The following C16orf74 variants were observed in gnomAD, a reference collection of about 807,000 sequenced individuals.
C16orf74 encodes calcimembrin, also known as uncharacterized protein C16orf74.
A neutral mutation model predicts 6.5 loss-of-function variants in C16orf74; 10 were observed. That is an observed-to-expected ratio of 1.54 (90% CI 0.95 to 2.61). The LOEUF is 2.61. C16orf74 is among the 30% of genes most tolerant of loss of function. The probability of loss-of-function intolerance (pLI) is 0.00; values close to 1 mark genes in which losing one functional copy is unlikely to be tolerated. For missense variants in C16orf74, 141 were observed against 105.9 expected (o/e 1.33, Z -1.45); for synonymous variants, 60 against 42.5 (o/e 1.41, Z -1.60).
At chr16:85,714,619 C>T (rs1319850708) in intron 2 of C16orf74, among the ~76,000 whole-genome samples, 4 of 151,190 alleles carry the variant, frequency 2.6e-5, no homozygotes, top group African/African-American at 9.7e-5. Context: ...GGCGTTTCAC[C>T]ATATTGGCCA....
chr16:85,734,022 C>T (rs1410248719), intron 2 of C16orf74, among the ~76,000 whole-genome samples: 2 of 152,168 alleles, frequency 1.3e-5, no homozygotes, highest in Non-Finnish European at 2.9e-5. Context: ...CCATTCATCC[C>T]GGCTCCCAGC....
intron 1 of C16orf74, among the ~76,000 whole-genome samples, chr16:85,746,301 G>A (rs992778046): frequency 1.3e-5 from 2 of 152,208 alleles, no homozygotes; most frequent in African/African-American, 4.8e-5. Context: ...AGCTAGTGGA[G>A]ATCGCGCCAC....
chr16:85,748,142 GTGTGTATATATATATATGTGTA>G (rs1567815504), intron 1 of C16orf74, among the ~76,000 whole-genome samples: 9 of 71,814 alleles, frequency 1.3e-4, no homozygotes, highest in African/African-American at 2.7e-4. Flanking sequence ...ATATATATGT[GTGTGTATATATATATATGTGTA>G]TATATATATA....
At chr16:85,712,178 G>A (rs1466634601) in intron 2 of C16orf74, among the ~76,000 whole-genome samples, 2 of 152,250 alleles carry the variant, frequency 1.3e-5, no homozygotes, top group African/African-American at 4.8e-5. Flanking sequence ...CTCCTCAGCA[G>A]TGGAGCCTCC....
intron 1 of C16orf74, among the ~76,000 whole-genome samples, chr16:85,736,596 G>C (rs2122782): frequency 0.31 from 46,864 of 151,866 alleles, 7,698 homozygotes; most frequent in Middle Eastern, 0.42. Context: ...GATACTGATG[G>C]GAACAGGCTT....
intron 1 of C16orf74, among the ~76,000 whole-genome samples, chr16:85,750,672 A>C (rs1037453509): frequency 2.6e-5 from 4 of 151,826 alleles, no homozygotes; most frequent in African/African-American, 9.7e-5. Context: ...GCGGGGTCAC[A>C]CCCCCACCGC....
At chr16:85,750,465 G>A (rs967427887) in intron 1 of C16orf74, among the ~76,000 whole-genome samples, 6 of 152,348 alleles carry the variant, frequency 3.9e-5, no homozygotes, top group African/African-American at 1.2e-4. Flanking sequence ...GCGCAGGGGG[G>A]CCCCTAAGTG....
intron 3 of C16orf74, 50 bp from the exon 4 acceptor site, chr16:85,708,116 C>A (rs2053931733): frequency 6.8e-7 from 1 of 1,466,010 alleles, no homozygotes. Flanking sequence ...CCCCACCACA[C>A]CAAGCCCCGT....
At chr16:85,730,403 C>G (rs1056117850) in intron 2 of C16orf74, among the ~76,000 whole-genome samples, 6 of 152,088 alleles carry the variant, frequency 3.9e-5, no homozygotes, top group African/African-American at 9.7e-5. Context: ...GCCAAGGTGC[C>G]TCCCGGCTCA....
intron 1 of C16orf74, among the ~76,000 whole-genome samples, chr16:85,750,147 G>A (rs1322888897): frequency 1.3e-5 from 2 of 152,078 alleles, no homozygotes; most frequent in Non-Finnish European, 2.9e-5. Context: ...CCCGAGAACC[G>A]CACTACCTCA....
rs763454769 is a variant in C16orf74, at chr16:85,710,113, CACCGGGCCCCCACAGCCG to C, written c.172+33_172+50del. 4,736 of 1,367,784 alleles carry C rather than the reference CACCGGGCCCCCACAGCCG, an allele frequency of 3.5e-3. 13 individuals are homozygous for C. Among genetic ancestry groups the C allele is most frequent in the Non-Finnish European group, 3.8e-3 (4,023 of 1,062,916 alleles). The allele number at this position is 1,367,784 out of a possible 1,614,324, so 84.7% of individuals were successfully genotyped here. ...GAAGGACGCCCCTGAGAGCTGTCTC[CACCGGGCCCCCACAGCCG>C]ACCCGGCTTGGCGGTGGAGGGGACG... On this transcript the variant is annotated intron_variant, in intron 3 of 3. Transcript: ENST00000284245.
At chr16:85,732,438 G>C (rs1403678941) in intron 2 of C16orf74, among the ~76,000 whole-genome samples, 1 of 152,102 alleles carries the variant, frequency 6.6e-6, no homozygotes, top group African/African-American at 2.4e-5. Context: ...GGCTGAGGCA[G>C]GAGGATCACT....
intron 1 of C16orf74, among the ~76,000 whole-genome samples, chr16:85,739,629 T>C (rs1179101199): frequency 6.6e-6 from 1 of 151,826 alleles, no homozygotes; most frequent in East Asian, 1.9e-4. Context: ...CGAAACCCCA[T>C]CTCTACAAAA....
intron 2 of C16orf74, among the ~76,000 whole-genome samples, chr16:85,714,738 G>A (rs1598782310): frequency 2.0e-5 from 3 of 150,194 alleles, no homozygotes; most frequent in Non-Finnish European, 3.0e-5. Context: ...CTTGGCCCCC[G>A]ACTGCTGGGT....
chr16:85,731,359 G>A (rs1189902286), intron 2 of C16orf74, among the ~76,000 whole-genome samples: 1 of 152,250 alleles, frequency 6.6e-6, no homozygotes, highest in Non-Finnish European at 1.5e-5. Flanking sequence ...TGTGAAGCTG[G>A]CCCTGCTCCA....
intron 1 of C16orf74, chr16:85,743,559 T>C (rs1238780331): frequency 6.6e-6 from 1 of 152,178 alleles, no homozygotes; most frequent in South Asian, 2.1e-4. Context: ...CAGTGTTCTA[T>C]TCCACACGCC....
At chr16:85,724,272 C>T (rs1466076592) in intron 2 of C16orf74, among the ~76,000 whole-genome samples, 8 of 152,218 alleles carry the variant, frequency 5.3e-5, no homozygotes, top group Admixed American at 5.2e-4. Context: ...CTCCCCATCC[C>T]TCTGTCTCCC....
rs150415933 is a variant in C16orf74, at chr16:85,737,272, C to G, written c.-18-2037G>C. Reference sequence around the variant, plus strand: ...CAGAATGGCCCATGGAACAGCAGCACAGGCTTCCCGGTAGCTGTGCATGCA... The same window carrying G: ...CAGAATGGCCCATGGAACAGCAGCAGAGGCTTCCCGGTAGCTGTGCATGCA... On this transcript the variant is annotated intron_variant, in intron 1 of 3. Transcript: ENST00000284245. Among the ~76,000 whole-genome samples, 3 of 152,274 alleles carry G rather than the reference C, an allele frequency of 2.0e-5. No individual in the cohort carries two copies. In the South Asian group the frequency reaches 6.2e-4, roughly 32 times the overall value.
At chr16:85,746,165 C>T (rs1251212312) in intron 1 of C16orf74, among the ~76,000 whole-genome samples, 1 of 152,110 alleles carries the variant, frequency 6.6e-6, no homozygotes, top group Non-Finnish European at 1.5e-5. Context: ...GCCTGGCCAA[C>T]ATGATGACAC....
Sources: allele counts gnomAD v4.1 joint callset (sites outside exome capture counted in the v4.1 genomes callset), GRCh38; gene constraint gnomAD v4.1.1; transcripts MANE v1.5; gene names NCBI Gene and HGNC (gene_info 2026-07-23, HGNC 2026-07-21).